The following MGAT4C variants were observed in gnomAD, a reference collection of about 807,000 sequenced individuals.
MGAT4C encodes the protein alpha-1,3-mannosyl-glycoprotein 4-beta-N-acetylglucosaminyltransferase C.
Under a neutral mutation model 40.1 loss-of-function variants are expected in MGAT4C, and 19 were observed. The ratio of observed to expected loss-of-function variants is 0.47; its 90% CI spans 0.33 to 0.70. MGAT4C has a LOEUF of 0.70. Ranked by LOEUF, MGAT4C falls within the 30% of genes least tolerant of loss-of-function variation. The pLI, the probability that MGAT4C is intolerant of heterozygous loss-of-function variation, is 0.02. For synonymous variants in MGAT4C, 181 were observed against 187.1 expected, an observed-to-expected ratio of 0.97 and a Z score of 0.27; for missense variants, 491 against 563.2, an observed-to-expected ratio of 0.87 and a Z score of 1.30.
chr12:86,213,526 T>C (rs763412223), intron 1 of MGAT4C, among the ~76,000 whole-genome samples: 3 of 152,222 alleles, frequency 2.0e-5, no homozygotes, highest in Non-Finnish European at 4.4e-5. Context: ...TTCACTAATA[T>C]ATGTAATAGC....
chr12:86,674,888 A>G (rs1053634707), intron 2 of MGAT4C, among the ~76,000 whole-genome samples: 1 of 152,138 alleles, frequency 6.6e-6, no homozygotes, highest in Non-Finnish European at 1.5e-5. Flanking sequence ...TTTAATTCGT[A>G]TCAGTTGAAG....
At chr12:85,999,579 G>GTC (rs1887048435) in intron 2 of MGAT4C, among the ~76,000 whole-genome samples, 1 of 67,826 alleles carries the variant, frequency 1.5e-5, no homozygotes, top group African/African-American at 4.3e-5. Context: ...GTGTGTGTGT[G>GTC]TGTGTATATA....
intron 2 of MGAT4C, among the ~76,000 whole-genome samples, chr12:85,989,861 A>G (rs1379559929): frequency 6.6e-6 from 1 of 152,130 alleles, no homozygotes; most frequent in African/African-American, 2.4e-5. Context: ...GAAACAGTAC[A>G]AAAGCACAAT....
chr12:86,366,597 T>C (rs1309191780), intron 3 of MGAT4C, among the ~76,000 whole-genome samples: 2 of 152,016 alleles, frequency 1.3e-5, no homozygotes, highest in African/African-American at 4.8e-5. Context: ...GGGGCAAGGA[T>C]TGAAAAAGTA....
chr12:86,729,657 A>C (rs1950878121), intron 1 of MGAT4C, among the ~76,000 whole-genome samples: 1 of 152,190 alleles, frequency 6.6e-6, no homozygotes, highest in Non-Finnish European at 1.5e-5. Context: ...TAAAAACAAA[A>C]AAAACTGTGG....
intron 3 of MGAT4C, among the ~76,000 whole-genome samples, chr12:86,428,870 G>C (rs1286353589): frequency 6.6e-6 from 1 of 151,592 alleles, no homozygotes; most frequent in Non-Finnish European, 1.5e-5. Flanking sequence ...AGTTATTCTA[G>C]CTAAAGTTTG....
At chr12:86,769,720 A>G (rs1433291900) in intron 1 of MGAT4C, among the ~76,000 whole-genome samples, 3 of 152,148 alleles carry the variant, frequency 2.0e-5, no homozygotes, top group African/African-American at 7.2e-5. Flanking sequence ...TTGTAGGGAC[A>G]TGGATGAAAT....
At chr12:86,666,852 A>G (rs1041399750) in intron 2 of MGAT4C, among the ~76,000 whole-genome samples, 15 of 151,932 alleles carry the variant, frequency 9.9e-5, no homozygotes, top group African/African-American at 3.4e-4. Flanking sequence ...TATCAATCTA[A>G]TAAGTAGTAA....
chr12:86,380,730 C>T (rs1432843301), intron 3 of MGAT4C, among the ~76,000 whole-genome samples: 1 of 152,080 alleles, frequency 6.6e-6, no homozygotes, highest in Admixed American at 6.6e-5. Flanking sequence ...TCCATAAAAC[C>T]TACATTTTAT....
intron 2 of MGAT4C, among the ~76,000 whole-genome samples, chr12:85,992,901 G>A (rs928480540): frequency 2.0e-5 from 3 of 152,186 alleles, no homozygotes; most frequent in Non-Finnish European, 2.9e-5. Context: ...TGCAAGAGAC[G>A]GTCCCAGGGA....
chr12:86,774,720 C>G (rs1256581925), intron 1 of MGAT4C, among the ~76,000 whole-genome samples: 4 of 151,992 alleles, frequency 2.6e-5, no homozygotes, highest in African/African-American at 9.7e-5. Flanking sequence ...TTTTAATTTA[C>G]CATTCAAAAG....
intron 3 of MGAT4C, among the ~76,000 whole-genome samples, chr12:86,384,544 T>C (rs1168778167): frequency 6.6e-6 from 1 of 152,228 alleles, no homozygotes; most frequent in African/African-American, 2.4e-5. Context: ...TAAAATATCT[T>C]GCCCAAACGC....
At chr12:86,075,873 G>C (rs1419971438) in intron 1 of MGAT4C, among the ~76,000 whole-genome samples, 2 of 152,134 alleles carry the variant, frequency 1.3e-5, no homozygotes, top group African/African-American at 4.8e-5. Flanking sequence ...GGCCTGTGGT[G>C]GGAGGGACTG....
intron 2 of MGAT4C, among the ~76,000 whole-genome samples, chr12:86,552,320 A>G (rs1959407113): frequency 6.6e-6 from 1 of 152,098 alleles, no homozygotes. Flanking sequence ...GAAGCAAAAA[A>G]GGTGATTTCC....
chr12:86,411,522 A>G (rs1018475793), intron 3 of MGAT4C, among the ~76,000 whole-genome samples: 1 of 152,186 alleles, frequency 6.6e-6, no homozygotes. Context: ...GGTGTAAGAA[A>G]TTTCTAAGCA....
At position 86,642,227 on chromosome 12, in the gene MGAT4C, G is replaced by GGTTTAGCTA. The variant is rs1555214361; in HGVS notation, c.-229+84981_-229+84982insTAGCTAAAC. ...AAAAACACATTTGTTCAACCTATTA[G>GGTTTAGCTA]CTAAATAATATCTTGGAAGTTTCTC... On this transcript the variant is annotated intron_variant, in intron 2 of 7. Transcript: ENST00000548651. Among the ~76,000 whole-genome samples, 3 of 151,748 alleles carry GGTTTAGCTA rather than the reference G, an allele frequency of 2.0e-5. No individual in the cohort carries two copies. In the East Asian group the frequency reaches 5.8e-4, roughly 30 times the overall value.
At chr12:86,443,704 C>T (rs1000550877) in intron 2 of MGAT4C, among the ~76,000 whole-genome samples, 7 of 152,178 alleles carry the variant, frequency 4.6e-5, no homozygotes, top group African/African-American at 1.7e-4. Flanking sequence ...CACCATTCTC[C>T]CGCCTCAGCC....
At chr12:86,529,631 C>G (rs1041443839) in intron 2 of MGAT4C, among the ~76,000 whole-genome samples, 7 of 152,016 alleles carry the variant, frequency 4.6e-5, no homozygotes, top group African/African-American at 1.7e-4. Context: ...AATCATTCCA[C>G]CAACTTGCCT....
intron 3 of MGAT4C, among the ~76,000 whole-genome samples, chr12:86,365,793 A>G (rs1482894222): frequency 1.3e-5 from 2 of 150,644 alleles, no homozygotes; most frequent in Non-Finnish European, 3.0e-5. Flanking sequence ...CCAGTACCAC[A>G]CTGTTTTGGT....
Sources: allele counts gnomAD v4.1 joint callset (sites outside exome capture counted in the v4.1 genomes callset), GRCh38; gene constraint gnomAD v4.1.1; transcripts MANE v1.5; gene names NCBI Gene and HGNC (gene_info 2026-07-23, HGNC 2026-07-21).